Variants in DAB1 observed in about 807,000 individuals in gnomAD.
The protein encoded by DAB1 is disabled homolog 1.
Under a neutral mutation model 64.6 loss-of-function variants are expected in DAB1, and 15 were observed. The ratio of observed to expected loss-of-function variants is 0.23; its 90% CI spans 0.16 to 0.36. The LOEUF (loss-of-function observed/expected upper bound fraction) is 0.36, where lower values mean the gene tolerates loss of function less well. Ranked by LOEUF, DAB1 falls within the 10% of genes least tolerant of loss-of-function variation. DAB1 has a pLI of 1.00. For missense variants in DAB1, 596 were observed against 706.7 expected (o/e 0.84, Z 1.78); for synonymous variants, 235 against 251.9 (o/e 0.93, Z 0.64).
chr1:57,811,087 T>C (rs1651596229), intron 6 of DAB1, among the ~76,000 whole-genome samples: 2 of 152,244 alleles, frequency 1.3e-5, no homozygotes, highest in Non-Finnish European at 2.9e-5. Flanking sequence ...CATTTGTAAG[T>C]ACATTTGCTT....
At chr1:57,972,375 T>C (rs920526126) in intron 5 of DAB1, among the ~76,000 whole-genome samples, 1 of 152,180 alleles carries the variant, frequency 6.6e-6, no homozygotes, top group Non-Finnish European at 1.5e-5. Context: ...TAACTAGGAC[T>C]ACAGGCATGA....
rs181673981 is a variant in DAB1, at chr1:58,426,351, A to G, written n.257+79709T>C. Among the ~76,000 whole-genome samples, 5 of 152,258 alleles carry G rather than the reference A, an allele frequency of 3.3e-5. No individual in the cohort carries two copies. In the East Asian group the frequency reaches 9.7e-4, roughly 29 times the overall value. ...CAGGAAACAGGAAGAAAGAGAGTTA[A>G]CCCATATTGAGGACACCTGCCATGA... On this transcript the variant is annotated intron_variant and non_coding_transcript_variant, in intron 3 of 20. Coordinates refer to the DAB1 transcript ENST00000485760.
chr1:58,049,479 A>C (rs891530869), intron 5 of DAB1: 2 of 228,086 alleles, frequency 8.8e-6, no homozygotes, highest in Admixed American at 5.1e-5. Context: ...TTGCAGAAGG[A>C]ATTGATTGTG....
chr1:57,822,379 C>T (rs1652160714), downstream of DAB1, among the ~76,000 whole-genome samples: 2 of 152,058 alleles, frequency 1.3e-5, no homozygotes, highest in African/African-American at 4.8e-5. Context: ...AGCTGAGATC[C>T]TTGCCATGGC....
intron 3 of DAB1, among the ~76,000 whole-genome samples, chr1:58,458,598 G>A (rs1645213181): frequency 6.6e-6 from 1 of 152,216 alleles, no homozygotes; most frequent in South Asian, 2.1e-4. Context: ...GTGCTTAGGA[G>A]TTCGAGACCA....
chr1:57,092,014 T>C (rs901927393), intron 4 of DAB1, among the ~76,000 whole-genome samples: 9 of 152,178 alleles, frequency 5.9e-5, no homozygotes, highest in Non-Finnish European at 1.2e-4. Flanking sequence ...TCTCTTGCAT[T>C]TCATCTCTCT....
intron 6 of DAB1, among the ~76,000 whole-genome samples, chr1:57,734,582 T>A (rs1263918051): frequency 6.6e-6 from 1 of 152,204 alleles, no homozygotes; most frequent in Admixed American, 6.5e-5. Context: ...TCATAATACC[T>A]TTTTTACCTT....
At chr1:57,118,544 A>G (rs1298244253) in intron 4 of DAB1, among the ~76,000 whole-genome samples, 3 of 152,214 alleles carry the variant, frequency 2.0e-5, no homozygotes, top group African/African-American at 7.2e-5. Context: ...ATAAGGACCA[A>G]TGTATGAAGT....
intron 3 of DAB1, among the ~76,000 whole-genome samples, chr1:58,483,449 A>G (rs1645523428): frequency 6.6e-6 from 1 of 152,210 alleles, no homozygotes; most frequent in Non-Finnish European, 1.5e-5. Context: ...GAGCACTTCT[A>G]GCTCTGATTA....
At chr1:57,712,647 G>A (rs138550098) in intron 6 of DAB1, among the ~76,000 whole-genome samples, 1 of 152,262 alleles carries the variant, frequency 6.6e-6, no homozygotes, top group Non-Finnish European at 1.5e-5. Flanking sequence ...TATAGTACAT[G>A]GGTAATTGTG....
intron 7 of DAB1, among the ~76,000 whole-genome samples, chr1:57,555,538 C>T (rs998891166): frequency 5.3e-5 from 8 of 152,016 alleles, no homozygotes; most frequent in African/African-American, 1.7e-4. Context: ...AATACACGTA[C>T]TCATATGATG....
chr1:58,506,277 TA>T (rs1645989201), intron 2 of DAB1: 1 of 732,144 alleles, frequency 1.4e-6, no homozygotes, highest in Non-Finnish European at 2.3e-6. Flanking sequence ...ACTACTACTT[TA>T]TTTTTTTTTA....
At chr1:57,766,642 C>T (rs1649324368) in intron 6 of DAB1, among the ~76,000 whole-genome samples, 1 of 152,158 alleles carries the variant, frequency 6.6e-6, no homozygotes, top group Non-Finnish European at 1.5e-5. Context: ...TTCCCTCACA[C>T]CAACCATTTC....
At chr1:58,115,912 G>A (rs1171777155) in intron 5 of DAB1, among the ~76,000 whole-genome samples, 135 of 134,296 alleles carry the variant, frequency 1.0e-3, no homozygotes, top group African/African-American at 3.6e-3. Flanking sequence ...TGGGTGCAGC[G>A]CACCAGCATG....
At chr1:58,517,905 G>C (rs1557449854) in intron 2 of DAB1, among the ~76,000 whole-genome samples, 1 of 151,758 alleles carries the variant, frequency 6.6e-6, no homozygotes, top group Non-Finnish European at 1.5e-5. Context: ...GTGAGTATCA[G>C]GCCGGGCACA....
intron 2 of DAB1, among the ~76,000 whole-genome samples, chr1:57,153,950 T>A (rs1557823659): frequency 6.6e-6 from 1 of 152,142 alleles, no homozygotes; most frequent in African/African-American, 2.4e-5. Context: ...GTGTATGTAT[T>A]TATGGGGTAC....
chr1:57,942,264 C>T (rs1262544484), intron 5 of DAB1, among the ~76,000 whole-genome samples: 1 of 152,160 alleles, frequency 6.6e-6, no homozygotes, highest in Non-Finnish European at 1.5e-5. Context: ...CAACACTGAG[C>T]AGCTGCAATG....
At chr1:57,755,448 C>A (rs569145246) in intron 6 of DAB1, among the ~76,000 whole-genome samples, 2 of 152,166 alleles carry the variant, frequency 1.3e-5, no homozygotes, top group South Asian at 4.1e-4. Flanking sequence ...ATTTATTGAG[C>A]CATGGGATAT....
At chr1:57,114,698 CTGTT>C (rs1454962399) in intron 4 of DAB1, among the ~76,000 whole-genome samples, 1 of 152,198 alleles carries the variant, frequency 6.6e-6, no homozygotes, top group Non-Finnish European at 1.5e-5. Flanking sequence ...ATATTTTACT[CTGTT>C]TGCCTTCCCA....
Sources: gnomAD v4.1 joint callset for allele counts (sites outside exome capture counted in the v4.1 genomes callset) on GRCh38, gnomAD v4.1.1 for gene constraint, MANE v1.5 for transcripts, NCBI Gene and HGNC (gene_info 2026-07-23, HGNC 2026-07-21) for gene names.